CHD1L: variants seen among roughly 807,000 people sequenced by gnomAD.
The protein encoded by CHD1L is ATP-dependent chromatin remodeler CHD1L.
In CHD1L, 118 loss-of-function variants were observed where a neutral mutation model predicts 115.9. That is an observed-to-expected ratio of 1.02 (90% CI 0.88 to 1.19). CHD1L has a LOEUF of 1.19. Among genes scored for constraint, CHD1L ranks in the 50% most tolerant of loss-of-function variants. The pLI, the probability that CHD1L is intolerant of heterozygous loss-of-function variation, is 0.00. For missense variants in CHD1L, 1,179 were observed against 1,065.3 expected (o/e 1.11, Z -1.49); for synonymous variants, 411 against 387.1 (o/e 1.06, Z -0.72).
chr1:147,225,253 G>GCACTCTCAGCT, the CHD1L span: 3 of 1,227,642 alleles, frequency 2.4e-6, no homozygotes, highest in Non-Finnish European at 3.2e-6. Context: ...AAGACCCAGA[G>GCACTCTCAGCT]CTGAGAGTGC....
chr1:147,231,279 A>C, the CHD1L span, among the ~76,000 whole-genome samples: 3 of 152,184 alleles, frequency 2.0e-5, no homozygotes, highest in Non-Finnish European at 4.4e-5. Context: ...GTAGTCACTC[A>C]GGAACAGGTT....
At chr1:147,234,551 G>T in the CHD1L span, among the ~76,000 whole-genome samples, 1 of 152,198 alleles carries the variant, frequency 6.6e-6, no homozygotes, top group Admixed American at 6.5e-5. Context: ...CCCACACGTG[G>T]CCTGGCATGT....
the CHD1L span, among the ~76,000 whole-genome samples, chr1:147,190,661 G>A: frequency 2.6e-5 from 4 of 151,936 alleles, no homozygotes; most frequent in Admixed American, 1.3e-4. Context: ...TCAACAGAAA[G>A]AGAATGAAGT....
At chr1:147,203,828 T>C in the CHD1L span, 1 of 1,562,274 alleles carries the variant, frequency 6.4e-7, no homozygotes, top group South Asian at 1.1e-5. Flanking sequence ...AATGATGCCA[T>C]CTTCCTTTTC....
Position 147,268,809 on chromosome 1 carries a change from G to T in CHD1L, c.1016G>T (p.Gly339Val). Reference sequence around the variant, plus strand: ...GTGGAGCCGGAGCCTTTTGAAGTTGGAGACCACCTGACTGAGGCTAGTGGG... The same window carrying T: ...GTGGAGCCGGAGCCTTTTGAAGTTGTAGACCACCTGACTGAGGCTAGTGGG... Reference protein sequence around the residue: ...DGVEPEPFEVGDHLTEASGKL... With the variant: ...DGVEPEPFEVVDHLTEASGKL... Residue 339 changes from glycine (G) to valine (V), a missense_variant, in exon 10 of 23, where the codon GGA (glycine) becomes GTA (valine). Gly to Val is a moderately radical substitution (Grantham distance 109). Coordinates refer to ENST00000369258, the MANE Select transcript of CHD1L (RefSeq NM_004284.6). 2.5e-6 allele frequency: 4 copies of T among 1,613,556 alleles called. No homozygotes were observed. Among genetic ancestry groups the T allele is most frequent in the Non-Finnish European group, 3.4e-6 (4 of 1,179,656 alleles).
In CHD1L at chr1:147,255,921, C is replaced by T. The variant is rs782105748; in HGVS notation, c.456C>T (p.Thr152=). ...CACGTTTTCATGTGCTACTGACTAC[C>T]TATGAGGTATTCATTCGTTTCTCTA... ...QESRFHVLLT[T]YEICLKDASF... Residue 152 remains threonine, a synonymous_variant, in exon 4 of 23, where the codon ACC becomes ACT. Coordinates refer to ENST00000369258, the MANE Select transcript of CHD1L (RefSeq NM_004284.6). The T allele has an allele frequency of 5.0e-6, 8 of 1,609,070 alleles. No individual in the cohort carries two copies. The highest frequency in any genetic ancestry group is 6.8e-6 in the Non-Finnish European group (8 of 1,176,220).
chr1:147,224,019 T>G, the CHD1L span: 2 of 420,580 alleles, frequency 4.8e-6, no homozygotes, highest in East Asian at 1.6e-4. Context: ...CAGCTGGTGG[T>G]GATTGCACAC....
In CHD1L at chr1:147,248,523, A is replaced by G. The variant is rs141898391; in HGVS notation, c.128-4100A>G. On this transcript the variant is annotated intron_variant, in intron 1 of 22. Coordinates refer to ENST00000369258, the MANE Select transcript of CHD1L (RefSeq NM_004284.6). ...GTGCCCAGCCAAGTCTTTGTCTTTT[A>G]ATTGGTATACTTACACCATTTATAT... Among the ~76,000 whole-genome samples, 670 of 152,266 alleles carry G rather than the reference A, an allele frequency of 4.4e-3. 5 individuals are homozygous for G. Among genetic ancestry groups the G allele is most frequent in the African/African-American group, 0.016 (645 of 41,564 alleles).
At chr1:147,229,207 A>G in the CHD1L span, among the ~76,000 whole-genome samples, 1 of 152,226 alleles carries the variant, frequency 6.6e-6, no homozygotes, top group East Asian at 1.9e-4. Flanking sequence ...GAAGGGATCC[A>G]GTTTCAGCTT....
chr1:147,225,300 G>A, the CHD1L span: 156 of 649,416 alleles, frequency 2.4e-4, no homozygotes, highest in African/African-American at 2.6e-3. Flanking sequence ...CTTTCCTGAA[G>A]CGCTCAACAG....
At chr1:147,186,719 G>A in the CHD1L span, 2 of 1,424,628 alleles carry the variant, frequency 1.4e-6, no homozygotes, top group Non-Finnish European at 1.8e-6. Flanking sequence ...GAAGGGAGAT[G>A]AGTTAATACA....
chr1:147,248,438 C>T (rs1553934780), intron 1 of CHD1L, among the ~76,000 whole-genome samples: 1 of 152,100 alleles, frequency 6.6e-6, no homozygotes, highest in African/African-American at 2.4e-5. Flanking sequence ...GAACTCCCTA[C>T]CTCAGGAGAT....
chr1:147,236,839 G>A, the CHD1L span, among the ~76,000 whole-genome samples: 3 of 152,192 alleles, frequency 2.0e-5, no homozygotes, highest in African/African-American at 7.2e-5. Flanking sequence ...TGGTCCATAG[G>A]CACCCAGATA....
chr1:147,251,053 T>C (rs1668255493), intron 1 of CHD1L, among the ~76,000 whole-genome samples: 1 of 152,192 alleles, frequency 6.6e-6, no homozygotes, highest in African/African-American at 2.4e-5. Flanking sequence ...CCTTCCACCA[T>C]GATTGTGAGG....
chr1:147,265,119 A>G (rs1673368967), intron 7 of CHD1L, among the ~76,000 whole-genome samples: 2 of 150,840 alleles, frequency 1.3e-5, no homozygotes. Context: ...CTGTGATATT[A>G]TCCTGGGATG....
At chr1:147,267,841 T>G (rs1228187814) in intron 9 of CHD1L, among the ~76,000 whole-genome samples, 1 of 152,208 alleles carries the variant, frequency 6.6e-6, no homozygotes, top group Non-Finnish European at 1.5e-5. Flanking sequence ...TTTCATTACA[T>G]GAAGAGTCAA....
chr1:147,244,820 G>T (rs1464666084), intron 1 of CHD1L, among the ~76,000 whole-genome samples: 2 of 151,564 alleles, frequency 1.3e-5, no homozygotes, highest in Non-Finnish European at 1.5e-5. Context: ...GCTATTGTAA[G>T]TAACATAAAT....
the CHD1L span, among the ~76,000 whole-genome samples, chr1:147,206,411 G>T: frequency 6.6e-6 from 1 of 152,148 alleles, no homozygotes; most frequent in Non-Finnish European, 1.5e-5. Flanking sequence ...TCCCATTACT[G>T]GGTATATACC....
chr1:147,195,961 G>A, the CHD1L span, among the ~76,000 whole-genome samples: 1 of 152,092 alleles, frequency 6.6e-6, no homozygotes, highest in Admixed American at 6.5e-5. Flanking sequence ...TTGACCCCAA[G>A]ATCTGACTCT....
Sources: allele counts gnomAD v4.1 joint callset (sites outside exome capture counted in the v4.1 genomes callset), GRCh38; gene constraint gnomAD v4.1.1; transcripts MANE v1.5; gene names NCBI Gene and HGNC (gene_info 2026-07-23, HGNC 2026-07-21).